The following F5 variants were observed in gnomAD, a reference collection of about 807,000 sequenced individuals.
F5 encodes the protein activated protein c cofactor.
F5 carries 138 observed loss-of-function variants against 216.4 expected under a neutral mutation model. That is an observed-to-expected ratio of 0.64 (90% CI 0.56 to 0.73). The LOEUF is 0.73. Ranked by LOEUF, F5 falls within the 30% of genes least tolerant of loss-of-function variation. F5 has a pLI of 0.00. For synonymous variants in F5, 916 were observed against 930.7 expected (o/e 0.98, Z 0.29); for missense variants, 2,403 against 2,674.0 (o/e 0.90, Z 2.24).
rs1659852306 is a variant in F5, at chr1:169,541,569, G to A, written c.3521C>T (p.Ser1174Phe). The A allele has an allele frequency of 1.2e-6, 2 of 1,614,032 alleles. No individual in the cohort carries two copies. Among genetic ancestry groups the A allele is most frequent in the African/African-American group, 1.3e-5 (1 of 74,912 alleles). ...CCAGACTTCATGTTCTGAGGAAGGG[G>A]ACATTTGACTTATATCTGTGGGGAA... is the stretch of plus-strand genomic sequence containing the variant. The part of the protein sequence containing the change: ...KSFPTDISQM[S>F]PSSEHEVWQT... The change falls in exon 13 of 25, where the codon TCC becomes TTC. Residue 1174 changes from serine to phenylalanine, a missense_variant. Transcript: ENST00000367797.
chr1:169,517,966 T>C (rs1659197054), intron 23 of F5, among the ~76,000 whole-genome samples: 1 of 152,210 alleles, frequency 6.6e-6, no homozygotes, highest in South Asian at 2.1e-4. Context: ...TGGCAAACTA[T>C]GATCCATGGG....
Position 169,517,005 on chromosome 1 carries a change from C to T in F5, c.6346-1379G>A, listed in dbSNP as rs986010733. Among the ~76,000 whole-genome samples the T allele has an allele frequency of 3.3e-5, 5 of 152,050 alleles. No homozygotes were observed. In the South Asian group the frequency reaches 1.0e-3, roughly 32 times the overall value. ...TATACCATGAACAAGTCTAAAGAGTCATCTGAAAAAGAATTGGATAACATC... is the reference window on the plus strand; with the variant it reads ...TATACCATGAACAAGTCTAAAGAGTTATCTGAAAAAGAATTGGATAACATC... On this transcript the variant is annotated intron_variant, in intron 23 of 24. Transcript: ENST00000367797.
At position 169,576,040 on chromosome 1, in the gene F5, C is replaced by T. The variant is rs116443202; in HGVS notation, c.251-3697G>A. Among the ~76,000 whole-genome samples, 756 of 152,106 alleles carry T rather than the reference C, an allele frequency of 5.0e-3. 8 individuals are homozygous for T. The highest frequency in any genetic ancestry group is 0.016 in the African/African-American group (673 of 41,504). ...TGGTTTTGAAGATGGAGGAAGGGGC[C>T]ATGAGCCCGTGAGTGTAGGCAGCTT... On this transcript the variant is annotated intron_variant, in intron 2 of 24. Transcript: ENST00000367797.
At chr1:169,567,808 C>T (rs1213177987) in intron 3 of F5, among the ~76,000 whole-genome samples, 1 of 152,106 alleles carries the variant, frequency 6.6e-6, no homozygotes, top group African/African-American at 2.4e-5. Flanking sequence ...GCCTAGTTAA[C>T]TCTAGGGTAC....
At chr1:169,552,509 T>G (rs147137043) in intron 8 of F5, 48 bp downstream of exon 8, 1 of 1,493,686 alleles carries the variant, frequency 6.7e-7, no homozygotes, top group Non-Finnish European at 9.3e-7. Context: ...TACTCCATAA[T>G]ATTTTACTAT....
At position 169,559,306 on chromosome 1, in the gene F5, GA is replaced by G. The variant is rs747080898; in HGVS notation, c.587-11del. The G allele has an allele frequency of 6.2e-7, 1 of 1,613,388 alleles. No homozygotes were observed. The highest frequency in any genetic ancestry group is 8.5e-7 in the Non-Finnish European group (1 of 1,179,564). ...CCCTCAGTTAGGGTCCCTATGAAAG[GA>G]AAGACATGTTTTCAGTAGCACTGCA... On this transcript the variant is annotated splice_polypyrimidine_tract_variant and intron_variant, in intron 4 of 24. Transcript: ENST00000367797.
At chr1:169,527,566 C>A (rs1224399717) in intron 17 of F5, among the ~76,000 whole-genome samples, 3 of 152,150 alleles carry the variant, frequency 2.0e-5, no homozygotes, top group Admixed American at 1.3e-4. Context: ...TGGAAACCCT[C>A]CCAGCAGAGA....
At chr1:169,581,339 A>C (rs921927798) in intron 2 of F5, among the ~76,000 whole-genome samples, 2 of 152,160 alleles carry the variant, frequency 1.3e-5, no homozygotes, top group Admixed American at 6.5e-5. Context: ...CAGATTAGGG[A>C]AGGAATATAG....
rs115679403 is a variant in F5 at position 169,518,898 on chromosome 1, G to A, written c.6194-335C>T. Among the ~76,000 whole-genome samples, 327 of 152,278 alleles carry A rather than the reference G, an allele frequency of 2.1e-3. 2 individuals are homozygous for A. Among genetic ancestry groups the A allele is most frequent in the African/African-American group, 7.4e-3 (307 of 41,570 alleles). Reference sequence around the variant, plus strand: ...TTAAACTCACTTCCTCCTTCTGAGAGTCTTGGAAACTTTGGTCTTTGCTTT... The same window carrying A: ...TTAAACTCACTTCCTCCTTCTGAGAATCTTGGAAACTTTGGTCTTTGCTTT... On this transcript the variant is annotated intron_variant, in intron 22 of 24. Transcript: ENST00000367797.
At chr1:169,529,475 G>A (rs2101810674) in intron 16 of F5, 133 bp downstream of exon 16, 2 of 816,234 alleles carry the variant, frequency 2.5e-6, no homozygotes, top group Non-Finnish European at 4.1e-6. Context: ...GAATGTTAAG[G>A]AACCGGTTTT....
In F5 at chr1:169,550,700, A is replaced by G. The variant is rs746070235; in HGVS notation, c.1336T>C (p.Tyr446His). The change falls in exon 9 of 25, where the codon TAC becomes CAC. Residue 446 changes from tyrosine to histidine, a missense_variant. Physicochemically the swap from Tyr to His is moderately conservative, Grantham distance 83 (BLOSUM62 2). Coordinates refer to ENST00000367797, the MANE Select transcript of F5 (RefSeq NM_000130.5). ...GGCGAGAAGGTCACTCCATGAGGGTAAATGCTATAGGGGCGGCTGGCCATA... is the reference window on the plus strand; with the variant it reads ...GGCGAGAAGGTCACTCCATGAGGGTGAATGCTATAGGGGCGGCTGGCCATA... ...KNMASRPYSI[Y>H]PHGVTFSPYE... The G allele has an allele frequency of 3.7e-6, 6 of 1,613,974 alleles. No homozygotes were observed. In the Admixed American group the frequency reaches 6.7e-5, roughly 18 times the overall value.
intron 13 of F5, among the ~76,000 whole-genome samples, chr1:169,538,623 G>C (rs1427729466): frequency 6.6e-6 from 1 of 152,090 alleles, no homozygotes; most frequent in Admixed American, 6.6e-5. Context: ...CCCATATAAT[G>C]GAATACATGC....
chr1:169,541,847 G>A lies in F5; in HGVS notation c.3243C>T (p.Asp1081=), dbSNP rs140281633. The change falls in exon 13 of 25, where the codon GAC becomes GAT. Residue 1081 remains aspartate (D), a synonymous_variant. Coordinates refer to ENST00000367797, the MANE Select transcript of F5 (RefSeq NM_000130.5). ...CCATAGAGGGCAATGTCTGATTGAG[G>A]TCTGTGGGAAGAGATGTTTCATTGG... ...HKSNETSLPT[D]LNQTLPSMDF... 40 of 1,614,128 alleles carry A rather than the reference G, an allele frequency of 2.5e-5. No individual in the cohort carries two copies. In the African/African-American group the frequency reaches 3.3e-4, roughly 13 times the overall value.
Position 169,530,858 on chromosome 1 carries a change from G to T in F5, c.5136C>A (p.Ala1712=). Residue 1712 remains alanine (A), a synonymous_variant, in exon 15 of 25, where the codon GCC becomes GCA. Transcript: ENST00000367797. Reference sequence around the variant, plus strand: ...GACTTTCTGGCCCTGATCGCTCAGTGGCATGCCATACGTAGGTATAACTGC... The same window carrying T: ...GACTTTCTGGCCCTGATCGCTCAGTTGCATGCCATACGTAGGTATAACTGC... ...PNSSYTYVWH[A]TERSGPESPG... is the part of the protein sequence containing the mutation. The T allele has an allele frequency of 6.2e-7, 1 of 1,613,926 alleles. No individual in the cohort carries two copies. Among genetic ancestry groups the T allele is most frequent in the South Asian group, 1.1e-5 (1 of 91,080 alleles).
At chr1:169,526,039 T>C (rs757655383) in intron 17 of F5, 22 bp from the exon 18 acceptor site, 2 of 1,517,662 alleles carry the variant, frequency 1.3e-6, no homozygotes, top group South Asian at 2.2e-5. Flanking sequence ...AGAACAACAT[T>C]ACATTTGCAA....
rs2301517 is a variant in F5, at chr1:169,525,165, T to C, written c.5717-257A>G. ...TAATCATTTTTTAAACTGATTTTCT[T>C]CTGCTTTTATCTTAAATTATGCTAT... On this transcript the variant is annotated intron_variant, in intron 18 of 24. Transcript: ENST00000367797. 0.086 allele frequency among the ~76,000 whole-genome samples: 13,075 copies of C among 152,074 alleles called. 1,679 individuals carry two copies. The highest frequency in any genetic ancestry group is 0.63 in the East Asian group (3,273 of 5,156).
intron 3 of F5, among the ~76,000 whole-genome samples, chr1:169,571,040 G>A (rs1660710254): frequency 7.2e-6 from 1 of 139,280 alleles, no homozygotes; most frequent in South Asian, 2.4e-4. Flanking sequence ...GGAACATGTA[G>A]AAGGAAAGAT....
In F5 at chr1:169,552,551, A is replaced by T; in HGVS notation, c.1296+6T>A. On this transcript the variant is annotated splice_donor_region_variant and intron_variant, in intron 8 of 24. Transcript: ENST00000367797. ...TCTCCCATGATTCTGTATTTGTGTT[A>T]CTTACTTTGAGTGTGTCTCTGACCT... The T allele has an allele frequency of 1.9e-6, 3 of 1,610,632 alleles. No homozygotes were observed. The highest frequency in any genetic ancestry group is 1.7e-6 in the Non-Finnish European group (2 of 1,177,108).
At chr1:169,580,707 A>T (rs944560770) in intron 2 of F5, among the ~76,000 whole-genome samples, 1 of 152,168 alleles carries the variant, frequency 6.6e-6, no homozygotes, top group Non-Finnish European at 1.5e-5. Flanking sequence ...AGAATATTTA[A>T]ATGCAGATCT....
Sources: gnomAD v4.1 joint callset for allele counts (sites outside exome capture counted in the v4.1 genomes callset) on GRCh38, gnomAD v4.1.1 for gene constraint, MANE v1.5 for transcripts, NCBI Gene and HGNC (gene_info 2026-07-23, HGNC 2026-07-21) for gene names.